Variants in CBFA2T2 observed in about 807,000 individuals in gnomAD.
CBFA2T2 encodes CBFA2/RUNX1 partner transcriptional co-repressor 2.
CBFA2T2 carries 11 observed loss-of-function variants against 62.2 expected under a neutral mutation model. The ratio of observed to expected loss-of-function variants is 0.18; its 90% CI spans 0.11 to 0.29. CBFA2T2 has a LOEUF of 0.29. Ranked by LOEUF, CBFA2T2 falls within the 10% of genes least tolerant of loss-of-function variation. The pLI is 1.00. For synonymous variants in CBFA2T2, 295 were observed against 287.5 expected, an observed-to-expected ratio of 1.03 and a Z score of -0.27; for missense variants, 592 against 774.1, an observed-to-expected ratio of 0.76 and a Z score of 2.79.
chr20:33,503,973 T>C (rs1379612984), intron 1 of CBFA2T2, among the ~76,000 whole-genome samples: 2 of 152,204 alleles, frequency 1.3e-5, no homozygotes, highest in African/African-American at 4.8e-5. Flanking sequence ...ATTTTCATTC[T>C]TCCTGTAAGT....
At chr20:33,578,867 A>G (rs1039150112) in intron 1 of CBFA2T2, among the ~76,000 whole-genome samples, 2 of 152,190 alleles carry the variant, frequency 1.3e-5, no homozygotes, top group African/African-American at 4.8e-5. Context: ...CTGGCTCTAC[A>G]CAGTCTTTAA....
At chr20:33,584,963 G>C (rs1384887771) in intron 1 of CBFA2T2, among the ~76,000 whole-genome samples, 2 of 152,158 alleles carry the variant, frequency 1.3e-5, no homozygotes, top group East Asian at 3.8e-4. Context: ...TCTAATTTGG[G>C]AGCATGTTTC....
At chr20:33,624,598 G>A (rs2016141646) in intron 5 of CBFA2T2, among the ~76,000 whole-genome samples, 166 bp from the exon 6 acceptor site, 1 of 152,108 alleles carries the variant, frequency 6.6e-6, no homozygotes, top group South Asian at 2.1e-4. Flanking sequence ...TGAGGTGCCT[G>A]GCCCTTGAAG....
chr20:33,531,981 T>G (rs555200444), intron 1 of CBFA2T2, among the ~76,000 whole-genome samples: 3 of 152,212 alleles, frequency 2.0e-5, no homozygotes, highest in Non-Finnish European at 4.4e-5. Flanking sequence ...GTGGGGAATT[T>G]TGAACATACA....
At chr20:33,545,592 A>G (rs1469277571) in intron 1 of CBFA2T2, among the ~76,000 whole-genome samples, 5 of 152,162 alleles carry the variant, frequency 3.3e-5, no homozygotes, top group Non-Finnish European at 7.3e-5. Flanking sequence ...GATTACAGGC[A>G]CATGCCGCCA....
At chr20:33,614,463 CA>C (rs1451060427) in intron 3 of CBFA2T2, among the ~76,000 whole-genome samples, 1 of 152,124 alleles carries the variant, frequency 6.6e-6, no homozygotes, top group Non-Finnish European at 1.5e-5. Flanking sequence ...AGTTTAGTGA[CA>C]ATAAGTATAT....
At chr20:33,640,609 C>A in intron 10 of CBFA2T2, 78 bp downstream of exon 10, 2 of 1,270,902 alleles carry the variant, frequency 1.6e-6, no homozygotes, top group South Asian at 1.3e-5. Flanking sequence ...ATACGCTGGG[C>A]AGGAAGACAC....
At chr20:33,622,269 A>G (rs1451928670) in intron 4 of CBFA2T2, among the ~76,000 whole-genome samples, 1 of 152,144 alleles carries the variant, frequency 6.6e-6, no homozygotes, top group Non-Finnish European at 1.5e-5. Context: ...GTCACTAATT[A>G]TGGTGCCTGC....
intron 1 of CBFA2T2, among the ~76,000 whole-genome samples, chr20:33,566,820 A>C (rs2013337818): frequency 6.6e-6 from 1 of 152,240 alleles, no homozygotes; most frequent in Non-Finnish European, 1.5e-5. Flanking sequence ...ATAATTACAT[A>C]GTATTCATTT....
intron 1 of CBFA2T2, among the ~76,000 whole-genome samples, chr20:33,569,936 C>T (rs2013478159): frequency 6.6e-6 from 1 of 152,136 alleles, no homozygotes; most frequent in Non-Finnish European, 1.5e-5. Flanking sequence ...GTGTGTGCCT[C>T]TTGTCTCAGG....
intron 1 of CBFA2T2, among the ~76,000 whole-genome samples, chr20:33,581,778 G>A (rs2014126818): frequency 6.6e-6 from 1 of 152,186 alleles, no homozygotes; most frequent in African/African-American, 2.4e-5. Context: ...TGAAAAGTTA[G>A]CCTTAGAATT....
intron 1 of CBFA2T2, among the ~76,000 whole-genome samples, chr20:33,544,322 G>A (rs1054678224): frequency 1.3e-5 from 2 of 152,114 alleles, no homozygotes; most frequent in Non-Finnish European, 2.9e-5. Flanking sequence ...CCTTTACCTA[G>A]ACAATTCTTT....
At position 33,546,640 on chromosome 20, in the gene CBFA2T2, A is replaced by T. The variant is rs78396928; in HGVS notation, c.34+56339A>T. ...TTTTTTAATTTTTTGTAGTGGATAC[A>T]ATTTTTATTTTTTGTAGAGATTTAT... is the stretch of plus-strand genomic sequence containing the variant. On this transcript the variant is annotated intron_variant, in intron 1 of 10. Transcript: ENST00000342704. Among the ~76,000 whole-genome samples the T allele has an allele frequency of 2.0e-3, 297 of 151,196 alleles. 2 individuals are homozygous for T. Among genetic ancestry groups the T allele is most frequent in the African/African-American group, 6.9e-3 (284 of 41,246 alleles).
intron 8 of CBFA2T2, among the ~76,000 whole-genome samples, chr20:33,631,271 G>A (rs946883187): frequency 6.6e-6 from 1 of 152,202 alleles, no homozygotes; most frequent in African/African-American, 2.4e-5. Flanking sequence ...CCGAGATCGC[G>A]CCATTGCACT....
At chr20:33,502,116 G>T (rs1320306460) in intron 1 of CBFA2T2, among the ~76,000 whole-genome samples, 2 of 152,152 alleles carry the variant, frequency 1.3e-5, no homozygotes, top group Non-Finnish European at 2.9e-5. Context: ...ACAAGCGTCA[G>T]CTAATTTTTG....
chr20:33,503,783 A>T (rs1281893494), intron 1 of CBFA2T2, among the ~76,000 whole-genome samples: 1 of 152,008 alleles, frequency 6.6e-6, no homozygotes, highest in African/African-American at 2.4e-5. Flanking sequence ...GATCTCGCAA[A>T]GTACTGGGAT....
intron 1 of CBFA2T2, among the ~76,000 whole-genome samples, chr20:33,604,371 G>A (rs950373912): frequency 7.2e-5 from 11 of 152,070 alleles, no homozygotes; most frequent in African/African-American, 2.4e-4. Flanking sequence ...TACATATGTT[G>A]AAAATGAGGC....
intron 1 of CBFA2T2, among the ~76,000 whole-genome samples, chr20:33,510,774 T>G (rs1342506720): frequency 6.6e-6 from 1 of 152,202 alleles, no homozygotes; most frequent in Non-Finnish European, 1.5e-5. Flanking sequence ...CATTCCTATT[T>G]CTCCACATCC....
At chr20:33,537,527 G>A (rs1182024406) in intron 1 of CBFA2T2, among the ~76,000 whole-genome samples, 2 of 152,154 alleles carry the variant, frequency 1.3e-5, no homozygotes, top group Non-Finnish European at 2.9e-5. Flanking sequence ...GAGAGGGAGA[G>A]GGAGAGCTCT....
Sources: allele counts gnomAD v4.1 joint callset (sites outside exome capture counted in the v4.1 genomes callset), GRCh38; gene constraint gnomAD v4.1.1; transcripts MANE v1.5; gene names NCBI Gene and HGNC (gene_info 2026-07-23, HGNC 2026-07-21).